The following PWWP3A variants were observed in gnomAD, a reference collection of about 807,000 sequenced individuals.
PWWP3A encodes the protein PWWP domain-containing DNA repair factor 3A.
PWWP3A carries 53 observed loss-of-function variants against 79.0 expected under a neutral mutation model. The observed-to-expected ratio is 0.67, with a 90% CI of 0.54 to 0.84. The LOEUF is 0.84. Ranked by LOEUF, PWWP3A falls within the 40% of genes least tolerant of loss-of-function variation. The pLI is 0.00. For missense variants in PWWP3A, 973 were observed against 948.0 expected (o/e 1.03, Z -0.35); for synonymous variants, 443 against 394.4 (o/e 1.12, Z -1.46).
rs148451106 is a variant in PWWP3A at position 1,373,376 on chromosome 19, G to A, written c.2075+216G>A. ...CTGTGCCCGGGTCTCCCAGCTGGTC[G>A]CTGTGGGCAGCACGGGGCCACGGGC... On this transcript the variant is annotated intron_variant, in intron 13 of 13. Transcript: ENST00000591337. 32 of 585,248 alleles carry A rather than the reference G, an allele frequency of 5.5e-5. No individual in the cohort carries two copies. The East Asian group carries it at 7.7e-4, about 14-fold the overall frequency. 36.3% of individuals were successfully genotyped at this position (585,248 alleles called of 1,614,324 possible).
intron 7 of PWWP3A, among the ~76,000 whole-genome samples, chr19:1,365,618 C>T (rs1045061391): frequency 6.6e-6 from 1 of 152,232 alleles, no homozygotes; most frequent in South Asian, 2.1e-4. Flanking sequence ...TACTGGCCGG[C>T]GGAGATGGAG....
Position 1,369,160 on chromosome 19 carries a change from G to A in PWWP3A, c.1423-105G>A. ...GGGTCAGAGGTGCGGGCTGGAGCGT[G>A]AGCAGCCTGGACACCTGGCTGGTCC... On this transcript the variant is annotated intron_variant, in intron 9 of 13. Transcript: ENST00000591337. This position sits in a 1 kb window ranked among gnomAD's most constrained non-coding sequence, Gnocchi z 4.0. The A allele has an allele frequency of 8.8e-6, 9 of 1,024,574 alleles. No individual in the cohort carries two copies. The highest frequency in any genetic ancestry group is 6.0e-6 in the Non-Finnish European group (4 of 665,890). The allele number at this position is 1,024,574 out of a possible 1,614,324, so 63.5% of individuals were successfully genotyped here.
chr19:1,363,182 C>T (rs796905406), intron 6 of PWWP3A, among the ~76,000 whole-genome samples: 27 of 152,368 alleles, frequency 1.8e-4, no homozygotes, highest in African/African-American at 6.5e-4. Flanking sequence ...TCCACGCACA[C>T]TTGCGTGCCG....
chr19:1,362,314 G>A lies in PWWP3A; in HGVS notation c.1176G>A (p.Glu392=). Residue 392 remains glutamate, a synonymous_variant, in exon 6 of 14, where the codon GAG becomes GAA. Transcript: ENST00000591337. ...TGCGTTCTATCCTGGAGGAAGACGA[G>A]GAAGACGAGGAGCCACCAAGAGTCC... ...NSMRSILEED[E]EDEEPPRVLL... 1 of 1,614,146 alleles carries A rather than the reference G, an allele frequency of 6.2e-7. No individual in the cohort carries two copies. The highest frequency in any genetic ancestry group is 1.1e-5 in the South Asian group (1 of 91,080).
rs749628948 is a variant in PWWP3A, at chr19:1,376,475, A to G, written c.2076-44A>G. On this transcript the variant is annotated intron_variant, in intron 13 of 13. Transcript: ENST00000591337. ...AGTCCTCTCTCTCATATTCTTTAAC[A>G]CACAATGATTAATTACTAAAATGAA... 2.5e-6 allele frequency: 4 copies of G among 1,598,702 alleles called. No homozygotes were observed. In the East Asian group the frequency reaches 6.7e-5, roughly 27 times the overall value.
chr19:1,356,555 G>A lies in PWWP3A; in HGVS notation c.57+106G>A, dbSNP rs1306827159. ...GGATTTGCTTCAGTGAAATAATTGA[G>A]CCAGAACACGGTTGGCACTGATTCT... On this transcript the variant is annotated intron_variant, in intron 2 of 13. Coordinates refer to ENST00000591337, the MANE Select transcript of PWWP3A (RefSeq NM_001369789.1). 1.3e-5 allele frequency: 15 copies of A among 1,111,470 alleles called. No homozygotes were observed. The East Asian group carries it at 3.6e-4, about 27-fold the overall frequency. 68.9% of individuals were successfully genotyped at this position (1,111,470 alleles called of 1,614,324 possible).
chr19:1,362,442 T>C (rs1284511229), intron 6 of PWWP3A, 91 bp downstream of exon 6: 1 of 943,640 alleles, frequency 1.1e-6, no homozygotes, highest in Non-Finnish European at 1.6e-6. Context: ...ACATTCTCCA[T>C]GAAAGGTCTC....
intron 9 of PWWP3A, 26 bp downstream of exon 9, chr19:1,367,246 C>T (rs747688225): frequency 3.8e-6 from 6 of 1,593,660 alleles, no homozygotes; most frequent in African/African-American, 1.3e-5. Flanking sequence ...TTTGTGCTTG[C>T]TTTAAATGGT....
Position 1,368,890 on chromosome 19 carries a change from G to T in PWWP3A, c.1423-375G>T. Among the ~76,000 whole-genome samples the T allele has an allele frequency of 8.7e-6, 1 of 115,204 alleles. No individual in the cohort carries two copies. Among genetic ancestry groups the T allele is most frequent in the African/African-American group, 3.8e-5 (1 of 26,486 alleles). 75.6% of individuals were successfully genotyped at this position (115,204 alleles called of 152,430 possible). On this transcript the variant is annotated intron_variant, in intron 9 of 13. Coordinates refer to ENST00000591337, the MANE Select transcript of PWWP3A (RefSeq NM_001369789.1). This position sits in a 1 kb window ranked among gnomAD's most constrained non-coding sequence, Gnocchi z 4.7. ...TGCGTTCAGACCAGCCCAAGCCATC[G>T]GGTCCCCGGTGCCCACCTGCGTTCA...
rs549451093 is a variant in PWWP3A, at chr19:1,368,609, C to T, written c.1423-656C>T. Among the ~76,000 whole-genome samples, 12 of 152,280 alleles carry T rather than the reference C, an allele frequency of 7.9e-5. No homozygotes were observed. In the South Asian group the frequency reaches 1.9e-3, roughly 24 times the overall value. ...CTTCCCTGGGTCATTGTGTGATGGT[C>T]GTGGCTTTATGGCATCTTTGGGACG... On this transcript the variant is annotated intron_variant, in intron 9 of 13. Coordinates refer to ENST00000591337, the MANE Select transcript of PWWP3A (RefSeq NM_001369789.1). The surrounding 1 kb of genome is among the most constrained non-coding windows in gnomAD (Gnocchi z 4.7).
intron 6 of PWWP3A, chr19:1,364,107 G>A (rs184813811): frequency 1.9e-5 from 10 of 520,140 alleles, no homozygotes; most frequent in East Asian, 1.1e-4. Context: ...GGTCTTCTCC[G>A]CGTGCCATTA....
intron 7 of PWWP3A, among the ~76,000 whole-genome samples, chr19:1,365,470 ATGAC>A (rs1227773820): frequency 1.3e-5 from 2 of 152,232 alleles, no homozygotes; most frequent in Non-Finnish European, 2.9e-5. Flanking sequence ...TGTTGCTCTA[ATGAC>A]TGACCTCACT....
intron 12 of PWWP3A, 38 bp from the exon 13 acceptor site, chr19:1,373,033 GC>G: frequency 1.3e-6 from 2 of 1,595,756 alleles, no homozygotes; most frequent in Non-Finnish European, 1.7e-6. Flanking sequence ...GGCCAGTTGG[GC>G]AGTGCCTGCT....
rs1026813764 is a variant in PWWP3A, at chr19:1,369,519, C to T, written c.1499-77C>T. On this transcript the variant is annotated intron_variant, in intron 10 of 13. Transcript: ENST00000591337. The surrounding 1 kb of genome is among the most constrained non-coding windows in gnomAD (Gnocchi z 4.0). ...CTGATTATTTCCTAAACAGAGACGCCGGGCCAGCCCCTGGAACACACTTCC... is the reference window on the plus strand; with the variant it reads ...CTGATTATTTCCTAAACAGAGACGCTGGGCCAGCCCCTGGAACACACTTCC... The T allele has an allele frequency of 4.6e-5, 72 of 1,570,056 alleles. No homozygotes were observed. The highest frequency in any genetic ancestry group is 4.5e-4 in the Admixed American group (27 of 59,876).
Position 1,371,036 on chromosome 19 carries a change from C to A in PWWP3A, c.1944C>A (p.Asn648Lys), listed in dbSNP as rs374586465. 1.3e-6 allele frequency: 2 copies of A among 1,573,692 alleles called. No homozygotes were observed. The highest frequency in any genetic ancestry group is 1.9e-5 in the Admixed American group (1 of 53,998). The change falls in exon 12 of 14, where the codon AAC (asparagine) becomes AAA (lysine). Residue 648 changes from asparagine (N) to lysine (K), a missense_variant. Physicochemically the swap from Asn to Lys is moderately conservative, Grantham distance 94 (BLOSUM62 0). Coordinates refer to ENST00000591337, the MANE Select transcript of PWWP3A (RefSeq NM_001369789.1). The part of the protein sequence containing the change: ...EVGAKVLQRT[N>K]GDRIRFILDV... ...GGGCCAAGGTGCTCCAGCGCACCAA[C>A]GGCGACCGGATCCGGTTCATTCTGG... is the stretch of plus-strand genomic sequence containing the variant.
intron 12 of PWWP3A, chr19:1,371,366 C>T (rs1211718857): frequency 5.7e-6 from 4 of 703,422 alleles, no homozygotes; most frequent in Non-Finnish European, 1.0e-5. Flanking sequence ...ACTGCGGGCG[C>T]ACAGATGCTT....
intron 5 of PWWP3A, 154 bp from the exon 6 acceptor site, chr19:1,362,096 A>C (rs976079418): frequency 2.5e-5 from 13 of 512,364 alleles, no homozygotes; most frequent in Non-Finnish European, 4.1e-5. Flanking sequence ...GTTTATTAGA[A>C]GCGCACTCTG....
intron 5 of PWWP3A, 83 bp downstream of exon 5, chr19:1,361,115 T>G: frequency 7.6e-7 from 1 of 1,317,392 alleles, no homozygotes; most frequent in Non-Finnish European, 9.8e-7. Flanking sequence ...GGCACGTGGG[T>G]GTTTTTGACC....
In PWWP3A at chr19:1,366,325, A is replaced by AC; in HGVS notation, c.1305_1306insC (p.Asp436ArgfsTer2). ...AACAGGTCAAAAGCGTCAGGCAGAG[A>AC]GATAAGAAAGCAAGTGTGCTATACA... On this transcript the variant is annotated frameshift_variant, in exon 8 of 14. Coordinates refer to ENST00000591337, the MANE Select transcript of PWWP3A (RefSeq NM_001369789.1). LOFTEE classifies it high-confidence loss of function. The AC allele has an allele frequency of 6.2e-7, 1 of 1,614,256 alleles. No homozygotes were observed. The highest frequency in any genetic ancestry group is 8.5e-7 in the Non-Finnish European group (1 of 1,180,016).
Sources: gnomAD v4.1 joint callset for allele counts (sites outside exome capture counted in the v4.1 genomes callset) on GRCh38, gnomAD v4.1.1 for gene constraint, Gnocchi (gnomAD v3.1) non-coding constraint, MANE v1.5 for transcripts, NCBI Gene and HGNC (gene_info 2026-07-23, HGNC 2026-07-21) for gene names.